KIF1A: variants seen among roughly 807,000 people sequenced by gnomAD.
KIF1A encodes the protein kinesin-like protein KIF1A.
In KIF1A, 46 loss-of-function variants were observed where a neutral mutation model predicts 227.3. The observed-to-expected ratio is 0.20, with a 90% CI of 0.16 to 0.26. The LOEUF is 0.26. KIF1A is among the 10% of genes least tolerant of loss of function. The pLI is 1.00. For missense variants in KIF1A, 1,683 were observed against 2,485.9 expected, an observed-to-expected ratio of 0.68 and a Z score of 6.87; for synonymous variants, 1,022 against 1,012.8, an observed-to-expected ratio of 1.01 and a Z score of -0.17.
intron 1 of KIF1A, among the ~76,000 whole-genome samples, chr2:240,813,603 G>T (rs1481566992): frequency 6.6e-6 from 1 of 152,126 alleles, no homozygotes; most frequent in Admixed American, 6.5e-5. Flanking sequence ...CTGATATGCA[G>T]GGGCAGCTTG....
chr2:240,718,388 C>T (rs573954809), intron 47 of KIF1A, among the ~76,000 whole-genome samples: 1 of 152,224 alleles, frequency 6.6e-6, no homozygotes, highest in Admixed American at 6.5e-5. Context: ...CTCACCACTG[C>T]TATGCCTCCC....
intron 10 of KIF1A, among the ~76,000 whole-genome samples, chr2:240,779,148 C>CCT (rs1275774918): frequency 2.1e-5 from 3 of 146,182 alleles, no homozygotes; most frequent in Non-Finnish European, 3.0e-5. Context: ...CCTCACAGTT[C>CCT]CACACAGTTC....
At chr2:240,812,074 A>G (rs1447101319) in intron 1 of KIF1A, among the ~76,000 whole-genome samples, 1 of 152,172 alleles carries the variant, frequency 6.6e-6, no homozygotes, top group African/African-American at 2.4e-5. Flanking sequence ...TTCACTTGGT[A>G]AAAATGCATG....
At chr2:240,774,143 A>G in intron 12 of KIF1A, 40 bp downstream of exon 12, 2 of 1,336,978 alleles carry the variant, frequency 1.5e-6, no homozygotes, top group African/African-American at 1.5e-5. Context: ...CCCCAAGACC[A>G]GGGAGCGGGA....
chr2:240,785,241 C>T, intron 6 of KIF1A, 141 bp from the exon 7 acceptor site: 2 of 669,764 alleles, frequency 3.0e-6, no homozygotes, highest in Non-Finnish European at 5.1e-6. Context: ...GGGCCTGGCA[C>T]TGATGGCGCC....
At chr2:240,811,210 C>CA (rs1294042192) in intron 1 of KIF1A, among the ~76,000 whole-genome samples, 1 of 151,980 alleles carries the variant, frequency 6.6e-6, no homozygotes, top group African/African-American at 2.4e-5. Context: ...ACTAAAAATA[C>CA]AAAAATTAGC....
chr2:240,774,081 G>A, intron 12 of KIF1A, 102 bp downstream of exon 12: 3 of 697,446 alleles, frequency 4.3e-6, no homozygotes, highest in Non-Finnish European at 7.5e-6. Flanking sequence ...CCCTCACAAA[G>A]AGTCGCCCCT....
chr2:240,723,301 G>T, intron 42 of KIF1A, 112 bp downstream of exon 42: 1 of 1,075,242 alleles, frequency 9.3e-7, no homozygotes, highest in Non-Finnish European at 1.3e-6. Context: ...CTCCCAAGCA[G>T]CTGTGCTGCC....
At chr2:240,762,119 G>T (rs942476372) in intron 23 of KIF1A, among the ~76,000 whole-genome samples, 3 of 152,010 alleles carry the variant, frequency 2.0e-5, no homozygotes, top group Non-Finnish European at 4.4e-5. Flanking sequence ...GGTAAATGAG[G>T]CCAAACAGGG....
chr2:240,779,317 C>T (rs1226014985), intron 10 of KIF1A, among the ~76,000 whole-genome samples: 1 of 145,434 alleles, frequency 6.9e-6, no homozygotes, highest in East Asian at 2.0e-4. Context: ...GTTCCTCACT[C>T]ACTTCCTCAC....
rs546661540 is a variant in KIF1A, at chr2:240,754,954, C to A, written c.2858+2365G>T. Among the ~76,000 whole-genome samples the A allele has an allele frequency of 4.1e-3, 619 of 152,274 alleles. 6 individuals are homozygous for A. The highest frequency in any genetic ancestry group is 0.014 in the African/African-American group (570 of 41,550). On this transcript the variant is annotated intron_variant, in intron 27 of 48. Coordinates refer to ENST00000498729, the MANE Select transcript of KIF1A (RefSeq NM_001244008.2). ...TTATCGACCCAGCCCTAGACACCTG[C>A]GCTCCCTCCCCAGCCCTGCTCCCCT...
rs116041427 is a variant in KIF1A at position 240,720,845 on chromosome 2, G to A, written c.4868+69C>T. On this transcript the variant is annotated intron_variant, in intron 45 of 48. Coordinates refer to ENST00000498729, the MANE Select transcript of KIF1A (RefSeq NM_001244008.2). Reference sequence around the variant, plus strand: ...CCCCTGTTCTGTGCTCTCTGTGCCCGAGTCACGGCCATGGTCATGGGTCAG... The same window carrying A: ...CCCCTGTTCTGTGCTCTCTGTGCCCAAGTCACGGCCATGGTCATGGGTCAG... The A allele has an allele frequency of 0.014, 20,129 of 1,473,976 alleles. 198 individuals are homozygous for A. The highest frequency in any genetic ancestry group is 0.016 in the South Asian group (1,171 of 73,124). 91.3% of individuals were successfully genotyped at this position (1,473,976 alleles called of 1,614,324 possible).
chr2:240,760,492 A>T (rs915621411), intron 25 of KIF1A, among the ~76,000 whole-genome samples, 173 bp downstream of exon 25: 1 of 152,276 alleles, frequency 6.6e-6, no homozygotes, highest in African/African-American at 2.4e-5. Flanking sequence ...TGAGGATTCT[A>T]CAAGGCTGGA....
intron 1 of KIF1A, among the ~76,000 whole-genome samples, chr2:240,818,042 G>A (rs2058453786): frequency 6.6e-6 from 1 of 152,214 alleles, no homozygotes; most frequent in Non-Finnish European, 1.5e-5. Flanking sequence ...TTCCAGTGGG[G>A]AAGGGGGAAA....
intron 17 of KIF1A, among the ~76,000 whole-genome samples, chr2:240,767,547 C>T (rs1372529350): frequency 2.0e-5 from 3 of 152,250 alleles, no homozygotes; most frequent in Non-Finnish European, 4.4e-5. Flanking sequence ...AGCCCACCAA[C>T]AGCAGCAGGC....
In KIF1A at chr2:240,819,663, G is replaced by A. The variant is rs373605373; in HGVS notation, c.-61+459C>T. Among the ~76,000 whole-genome samples, 40 of 151,868 alleles carry A rather than the reference G, an allele frequency of 2.6e-4. No homozygotes were observed. The East Asian group carries it at 7.7e-3, about 29-fold the overall frequency. On this transcript the variant is annotated intron_variant, in intron 1 of 48. Transcript: ENST00000498729. ...GCACCCTCCCAGGTGCGGCGTCAGC[G>A]TCCTCAGCCCCGCTCACCATCCCTC...
intron 11 of KIF1A, 35 bp from the exon 12 acceptor site, chr2:240,774,296 G>T (rs780403513): frequency 6.3e-6 from 9 of 1,434,178 alleles, no homozygotes; most frequent in Non-Finnish European, 8.8e-6. Context: ...CCCAGAGGGG[G>T]ATCTAGGCCC....
At chr2:240,791,439 C>T (rs1052804801) in intron 2 of KIF1A, among the ~76,000 whole-genome samples, 1 of 142,152 alleles carries the variant, frequency 7.0e-6, no homozygotes, top group Non-Finnish European at 1.5e-5. Flanking sequence ...CCTGCCCCAT[C>T]CACCCCCTCG....
At chr2:240,771,538 C>T (rs1269576094) in intron 14 of KIF1A, among the ~76,000 whole-genome samples, 2 of 152,182 alleles carry the variant, frequency 1.3e-5, no homozygotes, top group African/African-American at 4.8e-5. Flanking sequence ...ACCCTACAGC[C>T]CCCACACCTG....
Sources: gnomAD v4.1 joint callset for allele counts (sites outside exome capture counted in the v4.1 genomes callset) on GRCh38, gnomAD v4.1.1 for gene constraint, MANE v1.5 for transcripts, NCBI Gene and HGNC (gene_info 2026-07-23, HGNC 2026-07-21) for gene names.